PCDH15: variants seen among roughly 807,000 people sequenced by gnomAD.
PCDH15 encodes protocadherin-15.
Under a neutral mutation model 178.5 loss-of-function variants are expected in PCDH15, and 129 were observed. The ratio of observed to expected loss-of-function variants is 0.72; its 90% CI spans 0.63 to 0.84. PCDH15 has a LOEUF of 0.84. Among genes scored for constraint, PCDH15 ranks in the 40% least tolerant of loss-of-function variants. PCDH15 has a pLI of 0.00. For missense variants in PCDH15, 2,230 were observed against 2,099.9 expected (o/e 1.06, Z -1.21); for synonymous variants, 800 against 732.0 (o/e 1.09, Z -1.50).
At chr10:55,024,296 AATAT>A (rs1168801053) in intron 2 of PCDH15, among the ~76,000 whole-genome samples, 1 of 130,228 alleles carries the variant, frequency 7.7e-6, no homozygotes, top group Non-Finnish European at 1.6e-5. Context: ...TATATATATG[AATAT>A]ATATATGGGA....
chr10:54,497,909 C>T (rs2080285772), intron 3 of PCDH15, among the ~76,000 whole-genome samples: 1 of 151,934 alleles, frequency 6.6e-6, no homozygotes, highest in Non-Finnish European at 1.5e-5. Flanking sequence ...GAAAATTTCT[C>T]CAACTTGCTA....
In PCDH15 at chr10:54,279,687, G is replaced by A. The variant is rs183359126; in HGVS notation, c.876+37584C>T. On this transcript the variant is annotated intron_variant, in intron 8 of 37. Transcript: ENST00000644397. ...TTCACTCACTTTCCCATTACAATTA[G>A]CAGCAGATTCTTTTAATTATCCCTG... 1.1e-4 allele frequency among the ~76,000 whole-genome samples: 17 copies of A among 151,662 alleles called. No homozygotes were observed. The Admixed American group carries it at 1.1e-3, about 10-fold the overall frequency.
chr10:55,194,020 A>G (rs1476864863), intron 1 of PCDH15, among the ~76,000 whole-genome samples: 2 of 152,034 alleles, frequency 1.3e-5, no homozygotes, highest in Non-Finnish European at 2.9e-5. Flanking sequence ...TACAGTGCTA[A>G]GTTATACACA....
intron 3 of PCDH15, among the ~76,000 whole-genome samples, chr10:54,428,840 C>T (rs1343517396): frequency 6.6e-6 from 1 of 152,130 alleles, no homozygotes; most frequent in Admixed American, 6.6e-5. Context: ...TTTTACCCTA[C>T]AATAGTGTAT....
intron 13 of PCDH15, among the ~76,000 whole-genome samples, chr10:54,156,714 T>A (rs187350779): frequency 6.6e-6 from 1 of 152,208 alleles, no homozygotes. Flanking sequence ...TCTTAACTCA[T>A]TTCAGCATTA....
chr10:55,462,894 G>A (rs1839710058), intron 2 of PCDH15, among the ~76,000 whole-genome samples: 1 of 151,944 alleles, frequency 6.6e-6, no homozygotes, highest in Non-Finnish European at 1.5e-5. Flanking sequence ...CCCAGTAGAA[G>A]CTTGTTTTTA....
At chr10:55,069,757 T>A (rs1402395283) in intron 2 of PCDH15, among the ~76,000 whole-genome samples, 29 of 146,560 alleles carry the variant, frequency 2.0e-4, no homozygotes, top group African/African-American at 7.0e-4. Flanking sequence ...TGTGTCTTTA[T>A]AGCAGCATGA....
At chr10:54,901,064 A>C (rs952310244) in intron 2 of PCDH15, among the ~76,000 whole-genome samples, 12 of 152,074 alleles carry the variant, frequency 7.9e-5, no homozygotes, top group Non-Finnish European at 1.8e-4. Context: ...CTGCAATCCC[A>C]ACATTTTGGA....
intron 2 of PCDH15, among the ~76,000 whole-genome samples, chr10:55,385,772 T>C (rs1837644672): frequency 6.9e-6 from 1 of 144,730 alleles, no homozygotes; most frequent in Non-Finnish European, 1.5e-5. Flanking sequence ...GATATATACG[T>C]ATATAGATAT....
chr10:54,596,818 G>T (rs11511014), intron 2 of PCDH15, among the ~76,000 whole-genome samples: 21,141 of 151,930 alleles, frequency 0.14, 1,728 homozygotes, highest in Non-Finnish European at 0.18. Flanking sequence ...AGACAAAAAA[G>T]ATTTTAAACC....
At chr10:54,683,318 T>C (rs896039874) in intron 1 of PCDH15, among the ~76,000 whole-genome samples, 1 of 151,992 alleles carries the variant, frequency 6.6e-6, no homozygotes, top group Non-Finnish European at 1.5e-5. Flanking sequence ...AAACTGGAAC[T>C]CTATCCATTA....
intron 2 of PCDH15, among the ~76,000 whole-genome samples, chr10:55,032,862 G>A (rs1338616940): frequency 6.6e-6 from 1 of 152,046 alleles, no homozygotes; most frequent in African/African-American, 2.4e-5. Context: ...GTTACCTGTG[G>A]AATTTCAGTA....
At chr10:54,052,679 G>A (rs1385147931) in intron 18 of PCDH15, among the ~76,000 whole-genome samples, 1 of 152,136 alleles carries the variant, frequency 6.6e-6, no homozygotes, top group Non-Finnish European at 1.5e-5. Flanking sequence ...GACTTTGGGG[G>A]ACTGTTGGAA....
intron 2 of PCDH15, among the ~76,000 whole-genome samples, chr10:55,471,236 ATAC>A (rs1839949804): frequency 6.6e-6 from 1 of 152,182 alleles, no homozygotes. Flanking sequence ...AGATTCACAT[ATAC>A]AAAGTTTAAT....
chr10:54,648,314 A>G (rs1016200857), intron 2 of PCDH15, among the ~76,000 whole-genome samples: 1 of 152,090 alleles, frequency 6.6e-6, no homozygotes, highest in Non-Finnish European at 1.5e-5. Context: ...AGTCAGTGTA[A>G]ATGTAGTTTT....
At chr10:54,545,871 T>C (rs2085791454) in intron 2 of PCDH15, among the ~76,000 whole-genome samples, 1 of 152,176 alleles carries the variant, frequency 6.6e-6, no homozygotes, top group Admixed American at 6.6e-5. Context: ...AACTTAAAAC[T>C]GCACTTGCCA....
At chr10:53,885,692 A>C (rs987510022) in intron 26 of PCDH15, among the ~76,000 whole-genome samples, 8 of 152,174 alleles carry the variant, frequency 5.3e-5, no homozygotes, top group African/African-American at 1.9e-4. Flanking sequence ...TGCCTCACAC[A>C]TTTTAATCTG....
chr10:54,551,193 A>T lies in PCDH15; in HGVS notation c.92-23316T>A, dbSNP rs1462056201. On this transcript the variant is annotated intron_variant, in intron 2 of 37. Coordinates refer to ENST00000644397, the MANE Select transcript of PCDH15 (RefSeq NM_001384140.1). ...AAAAAAAAAAATTAATATCACAAAC[A>T]TGGTAAACATAAAAATTATCACAGT... Among the ~76,000 whole-genome samples the T allele has an allele frequency of 2.6e-5, 4 of 151,368 alleles. 1 individual carries two copies. Among genetic ancestry groups the T allele is most frequent in the South Asian group, 4.1e-4 (2 of 4,824 alleles).
intron 9 of PCDH15, among the ~76,000 whole-genome samples, chr10:54,233,682 C>A (rs946357694): frequency 6.6e-6 from 1 of 152,176 alleles, no homozygotes; most frequent in African/African-American, 2.4e-5. Flanking sequence ...CCTTAAGTTA[C>A]TGCATTTGCA....
Sources: gnomAD v4.1 joint callset for allele counts (sites outside exome capture counted in the v4.1 genomes callset) on GRCh38, gnomAD v4.1.1 for gene constraint, MANE v1.5 for transcripts, NCBI Gene and HGNC (gene_info 2026-07-23, HGNC 2026-07-21) for gene names.